ROBO2: variants seen among roughly 807,000 people sequenced by gnomAD.
The protein encoded by ROBO2 is roundabout homolog 2.
Under a neutral mutation model 160.8 loss-of-function variants are expected in ROBO2, and 53 were observed. That is an observed-to-expected ratio of 0.33 (90% confidence interval 0.26 to 0.41). The LOEUF (loss-of-function observed/expected upper bound fraction) is 0.41. ROBO2 is among the 10% of genes least tolerant of loss of function. ROBO2 has a pLI of 1.00. For missense variants in ROBO2, 1,577 were observed against 1,722.4 expected, an observed-to-expected ratio of 0.92 and a Z score of 1.49; for synonymous variants, 664 against 611.7, an observed-to-expected ratio of 1.09 and a Z score of -1.26.
At chr3:77,111,380 A>G (rs960035942) in intron 2 of ROBO2, among the ~76,000 whole-genome samples, 16 of 152,238 alleles carry the variant, frequency 1.1e-4, no homozygotes, top group African/African-American at 3.6e-4. Context: ...AAATATTAAA[A>G]TTAGTTGTCG....
At chr3:76,229,875 G>A (rs1379338063) in intron 2 of ROBO2, among the ~76,000 whole-genome samples, 1 of 152,072 alleles carries the variant, frequency 6.6e-6, no homozygotes, top group Admixed American at 6.5e-5. Flanking sequence ...GAATGTAATG[G>A]ATTCTCTGAG....
chr3:76,309,309 G>A (rs2071466666), intron 2 of ROBO2, among the ~76,000 whole-genome samples: 2 of 152,204 alleles, frequency 1.3e-5, no homozygotes, highest in African/African-American at 4.8e-5. Flanking sequence ...GCAAAGACAT[G>A]GAATTTTAAA....
chr3:76,783,445 T>A (rs2062780869), intron 2 of ROBO2, among the ~76,000 whole-genome samples: 1 of 150,822 alleles, frequency 6.6e-6, no homozygotes, highest in South Asian at 2.1e-4. Context: ...TCTGGGAATG[T>A]CCTTATCACT....
intron 13 of ROBO2, among the ~76,000 whole-genome samples, chr3:77,573,728 A>G (rs1456643189): frequency 6.6e-6 from 1 of 152,002 alleles, no homozygotes; most frequent in African/African-American, 2.4e-5. Context: ...CTTCTTGCCT[A>G]TCTAAGCACT....
At chr3:76,483,886 G>A (rs549186427) in intron 2 of ROBO2, among the ~76,000 whole-genome samples, 2 of 152,200 alleles carry the variant, frequency 1.3e-5, no homozygotes, top group South Asian at 4.1e-4. Flanking sequence ...CCCTGCAAAG[G>A]ACATGATGTC....
chr3:76,909,390 A>G (rs2075825733), intron 2 of ROBO2, among the ~76,000 whole-genome samples: 1 of 152,096 alleles, frequency 6.6e-6, no homozygotes, highest in South Asian at 2.1e-4. Context: ...AGATCAATAG[A>G]ATTTAACTTC....
chr3:76,680,372 AAAC>A (rs1234353558), intron 2 of ROBO2, among the ~76,000 whole-genome samples: 1 of 140,846 alleles, frequency 7.1e-6, no homozygotes, highest in Non-Finnish European at 1.5e-5. Flanking sequence ...AAAAAAAAAA[AAAC>A]GGCGAACAAA....
Position 76,373,459 on chromosome 3 carries a change from T to C in ROBO2, c.109+435857T>C, listed in dbSNP as rs959818256. 2.6e-5 allele frequency among the ~76,000 whole-genome samples: 4 copies of C among 151,964 alleles called. No homozygotes were observed. In the South Asian group the frequency reaches 8.3e-4, roughly 32 times the overall value. Reference sequence around the variant, plus strand: ...TGCATAATTTGGATGGACAGTTTCATGGACACTCTTGGATGGAGCACTTGG... The same window carrying C: ...TGCATAATTTGGATGGACAGTTTCACGGACACTCTTGGATGGAGCACTTGG... On this transcript the variant is annotated intron_variant, in intron 2 of 26. Coordinates refer to the ROBO2 transcript ENST00000487694.
intron 2 of ROBO2, among the ~76,000 whole-genome samples, chr3:76,569,165 A>T (rs2084798301): frequency 6.6e-6 from 1 of 152,148 alleles, no homozygotes; most frequent in Non-Finnish European, 1.5e-5. Flanking sequence ...TCAAGACTGA[A>T]GACAGTTTGG....
At chr3:76,230,502 G>A (rs1187001806) in intron 2 of ROBO2, among the ~76,000 whole-genome samples, 1 of 152,050 alleles carries the variant, frequency 6.6e-6, no homozygotes, top group Non-Finnish European at 1.5e-5. Flanking sequence ...CATTTAGGGT[G>A]CTTCATGTCT....
At chr3:77,295,417 G>T (rs2061952404) in intron 2 of ROBO2, among the ~76,000 whole-genome samples, 2 of 148,862 alleles carry the variant, frequency 1.3e-5, no homozygotes, top group African/African-American at 2.5e-5. Flanking sequence ...AAAATTGATG[G>T]TTAAATGGGA....
chr3:75,909,673 C>A (rs561593725), intron 1 of ROBO2, among the ~76,000 whole-genome samples: 1 of 152,154 alleles, frequency 6.6e-6, no homozygotes, highest in African/African-American at 2.4e-5. Context: ...CAAAATACTT[C>A]AAGCAGTGTA....
chr3:76,379,037 G>A (rs933282690), intron 2 of ROBO2, among the ~76,000 whole-genome samples: 4 of 152,122 alleles, frequency 2.6e-5, no homozygotes, highest in Non-Finnish European at 5.9e-5. Flanking sequence ...TATCAGCATT[G>A]CTTAGACTGT....
At chr3:76,810,523 T>A (rs953838635) in intron 2 of ROBO2, among the ~76,000 whole-genome samples, 2 of 152,096 alleles carry the variant, frequency 1.3e-5, no homozygotes, top group African/African-American at 4.8e-5. Context: ...AAAGCATTTA[T>A]CAGATTAGAT....
chr3:76,061,944 T>C (rs1559878781), intron 2 of ROBO2, among the ~76,000 whole-genome samples: 1 of 152,182 alleles, frequency 6.6e-6, no homozygotes, highest in Non-Finnish European at 1.5e-5. Context: ...TCTCTCTGTT[T>C]CTTTCTTCCA....
chr3:76,617,362 T>A (rs1180634571), intron 2 of ROBO2, among the ~76,000 whole-genome samples: 2 of 152,156 alleles, frequency 1.3e-5, no homozygotes, highest in Non-Finnish European at 2.9e-5. Flanking sequence ...ACTTTCCATT[T>A]GCAACTCATT....
chr3:76,168,682 A>G (rs1196279634), intron 2 of ROBO2, among the ~76,000 whole-genome samples: 4 of 152,236 alleles, frequency 2.6e-5, no homozygotes, highest in African/African-American at 7.2e-5. Flanking sequence ...TTCAAGATTA[A>G]CACAAGCATC....
chr3:76,673,061 G>A (rs1431633598), intron 2 of ROBO2, among the ~76,000 whole-genome samples: 1 of 152,078 alleles, frequency 6.6e-6, no homozygotes, highest in Non-Finnish European at 1.5e-5. Context: ...GGAAATAGCA[G>A]CTAATGCTTT....
intron 2 of ROBO2, among the ~76,000 whole-genome samples, chr3:76,465,874 A>AGT (rs1309482564): frequency 1.3e-5 from 2 of 151,962 alleles, no homozygotes; most frequent in Non-Finnish European, 2.9e-5. Context: ...ACATAAGCTA[A>AGT]GTGAGGAGCT....
Sources: gnomAD v4.1 joint callset for allele counts (sites outside exome capture counted in the v4.1 genomes callset) on GRCh38, gnomAD v4.1.1 for gene constraint, MANE v1.5 for transcripts, NCBI Gene and HGNC (gene_info 2026-07-23, HGNC 2026-07-21) for gene names.